The following MNAT1 variants were observed in gnomAD, a reference collection of about 807,000 sequenced individuals.
MNAT1 encodes the protein MNAT1 component of CDK activating kinase, also known as CDK-activating kinase assembly factor MAT1.
MNAT1 carries 43 observed loss-of-function variants against 42.0 expected under a neutral mutation model. The ratio of observed to expected loss-of-function variants is 1.02; its 90% CI spans 0.80 to 1.32. The LOEUF is 1.32. Ranked by LOEUF, MNAT1 falls within the 40% of genes most tolerant of loss-of-function variation. The pLI is 0.00. For synonymous variants in MNAT1, 118 were observed against 120.0 expected, an observed-to-expected ratio of 0.98 and a Z score of 0.11; for missense variants, 306 against 350.4, an observed-to-expected ratio of 0.87 and a Z score of 1.01.
chr14:60,778,134 A>G (rs1400084448), intron 1 of MNAT1, among the ~76,000 whole-genome samples: 1 of 152,184 alleles, frequency 6.6e-6, no homozygotes, highest in Non-Finnish European at 1.5e-5. Flanking sequence ...TCAGTGATTC[A>G]GTTTTGGCTG....
intron 1 of MNAT1, among the ~76,000 whole-genome samples, chr14:60,768,097 C>T (rs1490256607): frequency 2.0e-5 from 3 of 151,576 alleles, no homozygotes; most frequent in African/African-American, 4.8e-5. Context: ...GTCAGTGTTT[C>T]GCCACATTGG....
intron 7 of MNAT1, among the ~76,000 whole-genome samples, chr14:60,945,325 A>G (rs1411470336): frequency 6.6e-6 from 1 of 151,960 alleles, no homozygotes; most frequent in African/African-American, 2.4e-5. Context: ...GAGTCAGGTA[A>G]TTTTATCTCT....
intron 1 of MNAT1, among the ~76,000 whole-genome samples, chr14:60,774,897 T>C (rs4151181): frequency 0.03 from 4,553 of 152,282 alleles, 110 homozygotes; most frequent in South Asian, 0.11. Flanking sequence ...GGACTTGTTA[T>C]GTTTTGTCAT....
chr14:60,784,316 G>T (rs1427709799), intron 1 of MNAT1, among the ~76,000 whole-genome samples: 1 of 148,860 alleles, frequency 6.7e-6, no homozygotes, highest in Non-Finnish European at 1.5e-5. Context: ...GAGCCACTGC[G>T]CCCAGCCACC....
rs566036253 is a variant in MNAT1 at position 60,741,628 on chromosome 14, G to A, written c.89+6677G>A. Among the ~76,000 whole-genome samples the A allele has an allele frequency of 5.5e-5, 8 of 146,204 alleles. No individual in the cohort carries two copies. The East Asian group carries it at 1.6e-3, about 29-fold the overall frequency. On this transcript the variant is annotated intron_variant, in intron 1 of 7. Transcript: ENST00000261245. ...CCTGCCTCGGCCTCCCAAAGTGCTGGGATTACAGGCGTGAGCCACTGCGCC... is the reference window on the plus strand; with the variant it reads ...CCTGCCTCGGCCTCCCAAAGTGCTGAGATTACAGGCGTGAGCCACTGCGCC...
intron 1 of MNAT1, among the ~76,000 whole-genome samples, chr14:60,750,346 C>T (rs1162527875): frequency 1.3e-5 from 2 of 151,698 alleles, no homozygotes; most frequent in Non-Finnish European, 2.9e-5. Context: ...CCTGCCTCAG[C>T]CTCCCGAGTA....
At chr14:60,883,369 C>T (rs1466239278) in intron 7 of MNAT1, among the ~76,000 whole-genome samples, 1 of 151,970 alleles carries the variant, frequency 6.6e-6, no homozygotes, top group Non-Finnish European at 1.5e-5. Context: ...GCACTTTTGT[C>T]AAAAATGAGT....
intron 1 of MNAT1, among the ~76,000 whole-genome samples, chr14:60,775,773 C>A (rs1243583915): frequency 6.6e-6 from 1 of 151,958 alleles, no homozygotes; most frequent in Non-Finnish European, 1.5e-5. Context: ...ATTTTTGTCT[C>A]TATAGTATGA....
At chr14:60,966,308 C>T (rs2036682003) in intron 7 of MNAT1, among the ~76,000 whole-genome samples, 1 of 151,814 alleles carries the variant, frequency 6.6e-6, no homozygotes, top group African/African-American at 2.4e-5. Context: ...TTAGTAGAGA[C>T]GGGGTTTCAC....
At chr14:60,877,476 A>T (rs1039278607) in intron 6 of MNAT1, among the ~76,000 whole-genome samples, 1 of 152,056 alleles carries the variant, frequency 6.6e-6, no homozygotes, top group Admixed American at 6.6e-5. Flanking sequence ...TACCTTTTTT[A>T]AAATAATAAA....
intron 7 of MNAT1, among the ~76,000 whole-genome samples, chr14:60,961,756 G>A (rs575854001): frequency 2.6e-4 from 40 of 151,864 alleles, no homozygotes; most frequent in Admixed American, 4.6e-4. Flanking sequence ...TTTTTTTTGA[G>A]AATGAATGAG....
intron 6 of MNAT1, among the ~76,000 whole-genome samples, chr14:60,836,915 C>T (rs1015095795): frequency 2.0e-5 from 3 of 152,188 alleles, no homozygotes; most frequent in African/African-American, 7.2e-5. Context: ...GGGCTGCTGC[C>T]TTTCTTTCAG....
intron 6 of MNAT1, among the ~76,000 whole-genome samples, chr14:60,854,544 A>G (rs1012529195): frequency 6.6e-6 from 1 of 152,150 alleles, no homozygotes; most frequent in Non-Finnish European, 1.5e-5. Context: ...TAGTGCTTCT[A>G]ACAGTCAGTC....
chr14:60,950,889 T>G lies in MNAT1; in HGVS notation c.810-17340T>G, dbSNP rs951205964. 2.0e-5 allele frequency among the ~76,000 whole-genome samples: 3 copies of G among 152,346 alleles called. No homozygotes were observed. The East Asian group carries it at 5.8e-4, about 29-fold the overall frequency. On this transcript the variant is annotated intron_variant, in intron 7 of 7. Transcript: ENST00000261245. ...GTTTTAAAAATTCTGTATTTTCTGA[T>G]TAGAAGTTAGGATGATTTTTTAAAA...
chr14:60,831,134 T>C (rs916167922), intron 6 of MNAT1, among the ~76,000 whole-genome samples: 2 of 151,254 alleles, frequency 1.3e-5, no homozygotes. Context: ...TTTTAAGTTC[T>C]GGGATACATG....
At chr14:60,833,004 T>G (rs2033270316) in intron 6 of MNAT1, among the ~76,000 whole-genome samples, 1 of 152,196 alleles carries the variant, frequency 6.6e-6, no homozygotes, top group Non-Finnish European at 1.5e-5. Context: ...ATAGGAATGC[T>G]TGTGACTTTT....
At chr14:60,779,534 A>T (rs2031372288) in intron 1 of MNAT1, among the ~76,000 whole-genome samples, 1 of 152,172 alleles carries the variant, frequency 6.6e-6, no homozygotes, top group Non-Finnish European at 1.5e-5. Flanking sequence ...CACACCTGTA[A>T]TCCCACCATT....
intron 7 of MNAT1, among the ~76,000 whole-genome samples, chr14:60,911,882 C>G (rs1488371967): frequency 6.6e-6 from 1 of 151,884 alleles, no homozygotes; most frequent in Non-Finnish European, 1.5e-5. Flanking sequence ...TCCTTGTTAA[C>G]TTTCTGTCTC....
At chr14:60,905,717 A>C (rs2035182405) in intron 7 of MNAT1, among the ~76,000 whole-genome samples, 1 of 152,228 alleles carries the variant, frequency 6.6e-6, no homozygotes, top group South Asian at 2.1e-4. Flanking sequence ...AGGACAGAGT[A>C]AATGTCCCAG....
Sources: gnomAD v4.1 joint callset for allele counts (sites outside exome capture counted in the v4.1 genomes callset) on GRCh38, gnomAD v4.1.1 for gene constraint, MANE v1.5 for transcripts, NCBI Gene and HGNC (gene_info 2026-07-23, HGNC 2026-07-21) for gene names.